Variants in RPS6KA1 observed in about 807,000 individuals in gnomAD.
RPS6KA1 encodes ribosomal protein S6 kinase A1.
A neutral mutation model predicts 91.3 loss-of-function variants in RPS6KA1; 48 were observed. The ratio of observed to expected loss-of-function variants is 0.53; its 90% confidence interval spans 0.42 to 0.67. The LOEUF (loss-of-function observed/expected upper bound fraction) is 0.67, where lower values mean the gene tolerates loss of function less well. RPS6KA1 is among the 30% of genes least tolerant of loss of function. The pLI is 0.00. For missense variants in RPS6KA1, 719 were observed against 960.5 expected, an observed-to-expected ratio of 0.75 and a Z score of 3.32; for synonymous variants, 359 against 384.7, an observed-to-expected ratio of 0.93 and a Z score of 0.78.
chr1:26,550,849 A>G (rs1009639878), intron 4 of RPS6KA1, among the ~76,000 whole-genome samples: 3 of 152,116 alleles, frequency 2.0e-5, no homozygotes, highest in African/African-American at 7.2e-5. Context: ...ACTGCCCAAT[A>G]ACTTGTATTA....
rs554405406 is a variant in RPS6KA1 at position 26,549,850 on chromosome 1, T to C, written c.308-1547T>C. 9.9e-5 allele frequency among the ~76,000 whole-genome samples: 15 copies of C among 151,150 alleles called. No homozygotes were observed. The South Asian group carries it at 2.9e-3, about 30-fold the overall frequency. On this transcript the variant is annotated intron_variant, in intron 4 of 21. Transcript: ENST00000374168. Reference sequence around the variant, plus strand: ...CTGAGTAGCTGGGATTACAGGCACATGCCACCACGCCTGGCTAATTTTTGT... The same window carrying C: ...CTGAGTAGCTGGGATTACAGGCACACGCCACCACGCCTGGCTAATTTTTGT...
chr1:26,573,195 C>T (rs1401071772), intron 20 of RPS6KA1, 29 bp from the exon 21 acceptor site: 2 of 1,611,160 alleles, frequency 1.2e-6, no homozygotes, highest in African/African-American at 1.3e-5. Flanking sequence ...GCAGCCCTCC[C>T]CCAACCCCCT....
chr1:26,543,171 C>G, intron 2 of RPS6KA1: 1 of 1,535,704 alleles, frequency 6.5e-7, no homozygotes, highest in Non-Finnish European at 8.7e-7. Context: ...CATGCAGACC[C>G]CAGCAGATTT....
chr1:26,561,097 G>A lies in RPS6KA1; in HGVS notation c.1394G>A (p.Arg465Gln), dbSNP rs751305881. 1.9e-6 allele frequency: 3 copies of A among 1,614,032 alleles called. No homozygotes were observed. The highest frequency in any genetic ancestry group is 2.5e-6 in the Non-Finnish European group (3 of 1,179,986). The change falls in exon 16 of 22, where the codon CGG becomes CAG. Residue 465 changes from arginine to glutamine, a missense_variant. Around this residue, in one of 5 missense-constraint regions of RPS6KA1, gnomAD observed 26 missense variants for 69.6 expected, o/e 0.37. Coordinates refer to ENST00000374168, the MANE Select transcript of RPS6KA1 (RefSeq NM_002953.4). This position sits in a 1 kb window ranked among gnomAD's most constrained non-coding sequence, Gnocchi z 5.7. ...TCAGAAGAGATTGAGATTCTTCTGC[G>A]GTATGGCCAGCACCCCAACATCATC... ...DPSEEIEILL[R>Q]YGQHPNIITL... is the part of the protein sequence containing the mutation.
At position 26,554,466 on chromosome 1, in the gene RPS6KA1, C is replaced by T. The variant is rs760425402; in HGVS notation, c.614-130C>T. 6.9e-6 allele frequency: 9 copies of T among 1,295,474 alleles called. No individual in the cohort carries two copies. Among genetic ancestry groups the T allele is most frequent in the African/African-American group, 1.5e-5 (1 of 67,618 alleles). The allele number at this position is 1,295,474 out of a possible 1,614,324, so 80.2% of individuals were successfully genotyped here. ...GAGCAAGTCACCTGACCTCTCTGGG[C>T]CTTAGCTTCCTCCTGAGTGTCATGG... On this transcript the variant is annotated intron_variant, in intron 8 of 21. Transcript: ENST00000374168. The surrounding 1 kb of genome is among the most constrained non-coding windows in gnomAD (Gnocchi z 4.6).
At chr1:26,570,818 G>C (rs530009063) in intron 17 of RPS6KA1, among the ~76,000 whole-genome samples, 18 of 152,114 alleles carry the variant, frequency 1.2e-4, no homozygotes, top group Non-Finnish European at 2.4e-4. Flanking sequence ...TGTATTCTTT[G>C]ATTTTAAAGA....
At chr1:26,536,685 G>A (rs1179492668) in intron 1 of RPS6KA1, among the ~76,000 whole-genome samples, 3 of 152,192 alleles carry the variant, frequency 2.0e-5, no homozygotes, top group African/African-American at 7.2e-5. Context: ...CAGCATGAGG[G>A]TCAGAATGCT....
rs779949884 is a variant in RPS6KA1, at chr1:26,574,476, A to G, written c.*275A>G. 7 of 609,810 alleles carry G rather than the reference A, an allele frequency of 1.1e-5. No homozygotes were observed. The highest frequency in any genetic ancestry group is 2.2e-5 in the Non-Finnish European group (7 of 314,322). The allele number at this position is 609,810 out of a possible 1,614,324, so 37.8% of individuals were successfully genotyped here. ...GGCATCAACCACCATGGATTTTTAC[A>G]AGATCCATTTGCCTTTCTGGGAGCA... On this transcript the variant is annotated 3_prime_UTR_variant, in exon 22 of 22. Coordinates refer to ENST00000374168, the MANE Select transcript of RPS6KA1 (RefSeq NM_002953.4). The surrounding 1 kb of genome is among the most constrained non-coding windows in gnomAD (Gnocchi z 4.3).
chr1:26,555,715 A>G lies in RPS6KA1; in HGVS notation c.916+90A>G, dbSNP rs956251325. 5.5e-6 allele frequency: 7 copies of G among 1,276,548 alleles called. No homozygotes were observed. The African/African-American group carries it at 5.9e-5, about 11-fold the overall frequency. The allele number at this position is 1,276,548 out of a possible 1,614,324, so 79.1% of individuals were successfully genotyped here. ...GCCACAGGGCCACATCTGGGCTGAAAGGGGCCGTTGTCCTTTGTGTGGGCA... is the reference window on the plus strand; with the variant it reads ...GCCACAGGGCCACATCTGGGCTGAAGGGGGCCGTTGTCCTTTGTGTGGGCA... On this transcript the variant is annotated intron_variant, in intron 11 of 21. Transcript: ENST00000374168. This position sits in a 1 kb window ranked among gnomAD's most constrained non-coding sequence, Gnocchi z 4.3.
rs1373992484 is a variant in RPS6KA1 at position 26,558,705 on chromosome 1, C to G, written c.1085-102C>G. The G allele has an allele frequency of 7.1e-7, 1 of 1,411,592 alleles. No homozygotes were observed. The highest frequency in any genetic ancestry group is 1.4e-5 in the African/African-American group (1 of 69,808). 87.4% of individuals were successfully genotyped at this position (1,411,592 alleles called of 1,614,324 possible). On this transcript the variant is annotated intron_variant, in intron 13 of 21. Transcript: ENST00000374168. This position sits in a 1 kb window ranked among gnomAD's most constrained non-coding sequence, Gnocchi z 4.0. ...CTGCAGGCTCCCGCCACGGCCAGCC[C>G]CTGAGGCAGGTCTGGAGGCCCTGTG...
intron 2 of RPS6KA1, among the ~76,000 whole-genome samples, chr1:26,545,468 A>G (rs894226916): frequency 1.3e-5 from 2 of 151,326 alleles, no homozygotes; most frequent in Admixed American, 6.6e-5. Context: ...GATGGATGCC[A>G]TTCTTACCTG....
rs781718392 is a variant in RPS6KA1 at position 26,561,705 on chromosome 1, T to C, written c.1590+42T>C. 41 of 1,548,304 alleles carry C rather than the reference T, an allele frequency of 2.6e-5. No homozygotes were observed. In the Middle Eastern group the frequency reaches 5.3e-4, roughly 20 times the overall value. On this transcript the variant is annotated intron_variant, in intron 17 of 21. Coordinates refer to ENST00000374168, the MANE Select transcript of RPS6KA1 (RefSeq NM_002953.4). The surrounding 1 kb of genome is among the most constrained non-coding windows in gnomAD (Gnocchi z 5.7). ...GGAGGCAGTAGGGGGATGCCAAGGGTCATATCATCAGCAGAGAACATGAAC... is the reference window on the plus strand; with the variant it reads ...GGAGGCAGTAGGGGGATGCCAAGGGCCATATCATCAGCAGAGAACATGAAC...
rs777277817 is a variant in RPS6KA1, at chr1:26,561,142, G to T, written c.1431+8G>T. The T allele has an allele frequency of 1.2e-6, 2 of 1,611,758 alleles. No individual in the cohort carries two copies. Among genetic ancestry groups the T allele is most frequent in the Non-Finnish European group, 8.5e-7 (1 of 1,177,980 alleles). On this transcript the variant is annotated splice_region_variant and intron_variant, in intron 16 of 21. Coordinates refer to ENST00000374168, the MANE Select transcript of RPS6KA1 (RefSeq NM_002953.4). This position sits in a 1 kb window ranked among gnomAD's most constrained non-coding sequence, Gnocchi z 5.7. The stretch of plus-strand genomic sequence containing the variant: ...ATCATCACTCTGAAAGATGTGAGTG[G>T]GGGTCCTTAAGACTGGGGTGGGGAC...
chr1:26,543,641 C>G (rs1264872823), intron 2 of RPS6KA1, among the ~76,000 whole-genome samples: 8 of 152,160 alleles, frequency 5.3e-5, no homozygotes, highest in Admixed American at 5.2e-4. Context: ...GACCCTAGTA[C>G]TGAAGGAGAA....
Position 26,558,887 on chromosome 1 carries a change from G to T in RPS6KA1, c.1165G>T (p.Asp389Tyr). The T allele has an allele frequency of 6.2e-7, 1 of 1,613,844 alleles. No individual in the cohort carries two copies. Among genetic ancestry groups the T allele is most frequent in the Non-Finnish European group, 8.5e-7 (1 of 1,179,790 alleles). The change falls in exon 14 of 22, where the codon GAC becomes TAC. Residue 389 changes from aspartate to tyrosine, a missense_variant. Asp to Tyr is a radical substitution (Grantham distance 160). Around this residue, in one of 5 missense-constraint regions of RPS6KA1, gnomAD observed 228 missense variants for 247.6 expected, o/e 0.92. Transcript: ENST00000374168. The surrounding 1 kb of genome is among the most constrained non-coding windows in gnomAD (Gnocchi z 4.0). ...CTTCGTGGCCACCGGCCTGATGGAA[G>T]ACGACGGCAAGCCTCGTGCCCCGCA... ...FSFVATGLME[D>Y]DGKPRAPQAP...
intron 2 of RPS6KA1, among the ~76,000 whole-genome samples, 168 bp downstream of exon 2, chr1:26,537,137 C>G (rs1489332859): frequency 6.6e-6 from 1 of 152,236 alleles, no homozygotes; most frequent in Non-Finnish European, 1.5e-5. Flanking sequence ...ATCACTTGTT[C>G]CAACCTTCCT....
rs2076095418 is a variant in RPS6KA1, at chr1:26,555,739, C to T, written c.916+114C>T. On this transcript the variant is annotated intron_variant, in intron 11 of 21. Transcript: ENST00000374168. The surrounding 1 kb of genome is among the most constrained non-coding windows in gnomAD (Gnocchi z 4.3). ...AAGGGGCCGTTGTCCTTTGTGTGGGCAGACAATGCCGCGGGCCACCCTGCT... is the reference window on the plus strand; with the variant it reads ...AAGGGGCCGTTGTCCTTTGTGTGGGTAGACAATGCCGCGGGCCACCCTGCT... 1.9e-6 allele frequency: 2 copies of T among 1,032,478 alleles called. No homozygotes were observed. The highest frequency in any genetic ancestry group is 1.6e-5 in the African/African-American group (1 of 63,094). 64.0% of individuals were successfully genotyped at this position (1,032,478 alleles called of 1,614,324 possible).
Position 26,554,106 on chromosome 1 carries a change from G to T in RPS6KA1, c.576-108G>T. 1 of 1,151,550 alleles carries T rather than the reference G, an allele frequency of 8.7e-7. No homozygotes were observed. The highest frequency in any genetic ancestry group is 1.2e-6 in the Non-Finnish European group (1 of 809,428). The allele number at this position is 1,151,550 out of a possible 1,614,324, so 71.3% of individuals were successfully genotyped here. On this transcript the variant is annotated intron_variant, in intron 7 of 21. Coordinates refer to ENST00000374168, the MANE Select transcript of RPS6KA1 (RefSeq NM_002953.4). The surrounding 1 kb of genome is among the most constrained non-coding windows in gnomAD (Gnocchi z 4.6). ...ACCCGCCCAGTCATCAGAGAGAATT[G>T]GGTGGAGCACCTCCTCTGGGCTGAA...
chr1:26,536,976 AC>A lies in RPS6KA1; in HGVS notation c.108+9del. ...TGGACTTCAGCCGTCCAAGGTGAGG[AC>A]CATGGCCAGCACCCTGAGCGAGGGG... On this transcript the variant is annotated splice_region_variant and intron_variant, in intron 2 of 21. Coordinates refer to ENST00000374168, the MANE Select transcript of RPS6KA1 (RefSeq NM_002953.4). 1 of 1,614,062 alleles carries A rather than the reference AC, an allele frequency of 6.2e-7. No individual in the cohort carries two copies. Among genetic ancestry groups the A allele is most frequent in the Non-Finnish European group, 8.5e-7 (1 of 1,179,950 alleles).
Sources: gnomAD v4.1 joint callset for allele counts (sites outside exome capture counted in the v4.1 genomes callset) on GRCh38, gnomAD v4.1.1 for gene constraint, gnomAD v4.1.1 regional missense constraint, Gnocchi (gnomAD v3.1) non-coding constraint, MANE v1.5 for transcripts, NCBI Gene and HGNC (gene_info 2026-07-23, HGNC 2026-07-21) for gene names.